The following TM7SF3 variants were observed in gnomAD, a reference collection of about 807,000 sequenced individuals.
TM7SF3 encodes the protein seven span transmembrane protein.
TM7SF3 carries 60 observed loss-of-function variants against 65.5 expected under a neutral mutation model. That is an observed-to-expected ratio of 0.92 (90% CI 0.74 to 1.14). The LOEUF is 1.14. Among genes scored for constraint, TM7SF3 ranks in the 50% most tolerant of loss-of-function variants. TM7SF3 has a pLI of 0.00. For missense variants in TM7SF3, 623 were observed against 684.8 expected (o/e 0.91, Z 1.01); for synonymous variants, 264 against 259.6 (o/e 1.02, Z -0.16).
At position 27,001,494 on chromosome 12, in the gene TM7SF3, A is replaced by C. The variant is rs4393412; in HGVS notation, c.246+1742T>G. Reference sequence around the variant, plus strand: ...GGGGGCCTGAGAGTCTGAGTTTTTGAAGGGCCCCATGAAATTTTATATTTA... The same window carrying C: ...GGGGGCCTGAGAGTCTGAGTTTTTGCAGGGCCCCATGAAATTTTATATTTA... On this transcript the variant is annotated intron_variant, in intron 2 of 11. Transcript: ENST00000343028. Among the ~76,000 whole-genome samples, 10 of 152,302 alleles carry C rather than the reference A, an allele frequency of 6.6e-5. No homozygotes were observed. In the East Asian group the frequency reaches 1.9e-3, roughly 29 times the overall value.
At chr12:26,975,051 G>A (rs1199623843) in intron 11 of TM7SF3, among the ~76,000 whole-genome samples, 2 of 151,768 alleles carry the variant, frequency 1.3e-5, no homozygotes, top group Non-Finnish European at 2.9e-5. Context: ...TTACAAGTGA[G>A]GGAAACTATA....
In TM7SF3 at chr12:26,995,390, T is replaced by C. The variant is rs1940548920; in HGVS notation, c.537A>G (p.Pro179=). 15 of 1,614,154 alleles carry C rather than the reference T, an allele frequency of 9.3e-6. No individual in the cohort carries two copies. The highest frequency in any genetic ancestry group is 1.3e-5 in the African/African-American group (1 of 75,030). ...AGTCCTGGTCTGTCCCAGCGTCACA[T>C]GGTGGGGGATCTACGCCTCTAAAGT... ...LGYARGVDPP[P]CDAGTDQDSR... is the part of the protein sequence containing the mutation. The change falls in exon 5 of 12, where the codon CCA becomes CCG. Residue 179 remains proline, a synonymous_variant. Coordinates refer to ENST00000343028, the MANE Select transcript of TM7SF3 (RefSeq NM_016551.3).
chr12:27,004,680 T>C (rs1174648703), intron 1 of TM7SF3, among the ~76,000 whole-genome samples: 1 of 151,922 alleles, frequency 6.6e-6, no homozygotes, highest in Non-Finnish European at 1.5e-5. Context: ...AAGACACAAA[T>C]AGTGTTAAGA....
chr12:26,999,229 T>C lies in TM7SF3; in HGVS notation c.397+297A>G, dbSNP rs549872818. 3.6e-4 allele frequency among the ~76,000 whole-genome samples: 55 copies of C among 152,150 alleles called. 1 individual carries two copies. Among genetic ancestry groups the C allele is most frequent in the Non-Finnish European group, 2.4e-4 (16 of 67,982 alleles). On this transcript the variant is annotated intron_variant, in intron 3 of 11. Transcript: ENST00000343028. ...GGCCAACATGGTGAAACGCCATCTC[T>C]ACTAAAAATACAAAAAATTAGCTGG...
chr12:27,007,454 C>T (rs1941082954), intron 1 of TM7SF3, among the ~76,000 whole-genome samples: 3 of 151,594 alleles, frequency 2.0e-5, no homozygotes, highest in South Asian at 4.2e-4. Flanking sequence ...CTATAGTGAC[C>T]ATAAGGTGTC....
chr12:26,985,638 AAAAAAAAAAAAAAAAT>A (rs1431382454), intron 6 of TM7SF3, among the ~76,000 whole-genome samples: 12 of 53,392 alleles, frequency 2.2e-4, no homozygotes, highest in Middle Eastern at 6.5e-3. Flanking sequence ...AAAAAAAAAA[AAAAAAAAAAAAAAAAT>A]ATATATATAT....
chr12:26,988,792 G>A (rs972786757), intron 6 of TM7SF3, among the ~76,000 whole-genome samples: 3 of 151,280 alleles, frequency 2.0e-5, no homozygotes, highest in Non-Finnish European at 4.4e-5. Flanking sequence ...CTTTTTTTCA[G>A]TAAAAGTCAC....
chr12:26,975,867 C>G, intron 10 of TM7SF3: 1 of 565,630 alleles, frequency 1.8e-6, no homozygotes, highest in East Asian at 2.9e-5. Context: ...CACAGTTCAG[C>G]TTATCCAAAT....
intron 2 of TM7SF3, among the ~76,000 whole-genome samples, chr12:27,000,284 A>G (rs1001591658): frequency 2.6e-5 from 4 of 152,244 alleles, no homozygotes; most frequent in African/African-American, 9.6e-5. Context: ...ATGCACAGTG[A>G]AATTCCCAAG....
At chr12:27,011,254 T>C (rs1197541227) in intron 1 of TM7SF3, among the ~76,000 whole-genome samples, 3 of 152,204 alleles carry the variant, frequency 2.0e-5, no homozygotes, top group African/African-American at 4.8e-5. Flanking sequence ...GCATCATCAA[T>C]AGCAAGAAGA....
intron 3 of TM7SF3, among the ~76,000 whole-genome samples, chr12:26,998,344 G>A (rs1940689135): frequency 1.3e-5 from 2 of 152,052 alleles, no homozygotes; most frequent in Admixed American, 6.5e-5. Context: ...TTTATTAACA[G>A]CTATTTAGTT....
chr12:27,012,343 C>T (rs140196175), intron 1 of TM7SF3, among the ~76,000 whole-genome samples: 421 of 152,120 alleles, frequency 2.8e-3, no homozygotes, highest in Non-Finnish European at 4.2e-3. Context: ...AATGTTAGTG[C>T]CCTATTATAA....
chr12:27,005,322 CT>C (rs1940988228), intron 1 of TM7SF3, among the ~76,000 whole-genome samples: 1 of 152,076 alleles, frequency 6.6e-6, no homozygotes, highest in African/African-American at 2.4e-5. Context: ...CCTTTTTGTT[CT>C]CATTTTCCCT....
Position 26,982,806 on chromosome 12 carries a change from T to C in TM7SF3, c.922A>G (p.Ile308Val), listed in dbSNP as rs2136388709. Residue 308 changes from isoleucine to valine, a missense_variant, in exon 7 of 12, where the codon ATT becomes GTT. Physicochemically the swap from Ile to Val is conservative, Grantham distance 29. Transcript: ENST00000343028. ...CAGAATCTGTGTCCAAAGAAACAAA[T>C]GAAGAAACCAAGCAGGGCAAAAAGA... Reference protein sequence around the residue: ...FTLFALLGFFICFFGHRFWKT... With the variant: ...FTLFALLGFFVCFFGHRFWKT... The C allele has an allele frequency of 6.2e-7, 1 of 1,609,014 alleles. No homozygotes were observed. The highest frequency in any genetic ancestry group is 1.1e-5 in the South Asian group (1 of 89,806).
intron 6 of TM7SF3, among the ~76,000 whole-genome samples, chr12:26,985,214 T>C (rs1473144072): frequency 1.3e-5 from 2 of 152,044 alleles, no homozygotes; most frequent in East Asian, 3.9e-4. Flanking sequence ...TAAAAATATA[T>C]GGCCAGGCGC....
chr12:27,010,871 C>CA (rs1941219197), intron 1 of TM7SF3, among the ~76,000 whole-genome samples: 1 of 152,172 alleles, frequency 6.6e-6, no homozygotes, highest in African/African-American at 2.4e-5. Flanking sequence ...CTGCCCAATC[C>CA]TAATACTTTC....
chr12:26,991,877 C>G (rs1236354659), intron 5 of TM7SF3, among the ~76,000 whole-genome samples: 1 of 152,200 alleles, frequency 6.6e-6, no homozygotes, highest in African/African-American at 2.4e-5. Flanking sequence ...CATTTCACTT[C>G]TAAACACTTC....
rs886368545 is a variant in TM7SF3 at position 26,973,905 on chromosome 12, G to A, written c.*60C>T. 8.9e-6 allele frequency: 14 copies of A among 1,579,328 alleles called. No homozygotes were observed. In the African/African-American group the frequency reaches 1.9e-4, roughly 21 times the overall value. ...TCTTATTAGACTTGCACCAGAGACT[G>A]TTGAACCACTCCAGGCATGAACTCC... On this transcript the variant is annotated 3_prime_UTR_variant, in exon 12 of 12. Transcript: ENST00000343028.
chr12:27,000,378 G>A (rs1184580502), intron 2 of TM7SF3, among the ~76,000 whole-genome samples: 2 of 152,170 alleles, frequency 1.3e-5, no homozygotes, highest in East Asian at 3.8e-4. Context: ...AAAAACATGA[G>A]ACCTGGCCCC....
Sources: allele counts gnomAD v4.1 joint callset (sites outside exome capture counted in the v4.1 genomes callset), GRCh38; gene constraint gnomAD v4.1.1; transcripts MANE v1.5; gene names NCBI Gene and HGNC (gene_info 2026-07-23, HGNC 2026-07-21).